CFAP97: variants seen among roughly 807,000 people sequenced by gnomAD.
CFAP97 encodes the protein cilia- and flagella-associated protein 97.
A neutral mutation model predicts 43.1 loss-of-function variants in CFAP97; 36 were observed. The ratio of observed to expected loss-of-function variants is 0.84; its 90% CI spans 0.64 to 1.10. The LOEUF is 1.10. CFAP97 is among the 50% of genes least tolerant of loss of function. The pLI is 0.00. For missense variants in CFAP97, 657 were observed against 620.3 expected (o/e 1.06, Z -0.63); for synonymous variants, 228 against 225.7 (o/e 1.01, Z -0.09).
upstream of CFAP97, among the ~76,000 whole-genome samples, chr4:185,207,265 G>A (rs1737230181): frequency 7.7e-6 from 1 of 130,536 alleles, no homozygotes. Flanking sequence ...CGCCCAGGCT[G>A]GAGTGCAGTG....
In CFAP97 at chr4:185,195,042, G is replaced by A. The variant is rs115645636; in HGVS notation, c.-16-3830C>T. Reference sequence around the variant, plus strand: ...TACACAGGATGTTCACGACAGCACAGCATCTACTACTGTTTGCAGTAGCAA... The same window carrying A: ...TACACAGGATGTTCACGACAGCACAACATCTACTACTGTTTGCAGTAGCAA... On this transcript the variant is annotated intron_variant, in intron 1 of 4. Transcript: ENST00000458385. Among the ~76,000 whole-genome samples the A allele has an allele frequency of 2.1e-3, 323 of 152,274 alleles. 1 individual carries two copies. The highest frequency in any genetic ancestry group is 7.2e-3 in the African/African-American group (301 of 41,546).
At position 185,186,289 on chromosome 4, in the gene CFAP97, C is replaced by T. The variant is rs1272596775; in HGVS notation, c.1054+3854G>A. Among the ~76,000 whole-genome samples the T allele has an allele frequency of 5.3e-5, 8 of 152,104 alleles. No individual in the cohort carries two copies. The East Asian group carries it at 1.5e-3, about 29-fold the overall frequency. ...CTCTACTAAAAATACAAAAATTAGC[C>T]AGGCGTGGTGGAGGGCGCCTGTAAT... is the stretch of plus-strand genomic sequence containing the variant. On this transcript the variant is annotated intron_variant, in intron 2 of 4. Transcript: ENST00000458385.
chr4:185,162,822 A>G lies in CFAP97; in HGVS notation c.1575T>C (p.Pro525=). 1.2e-6 allele frequency: 2 copies of G among 1,613,026 alleles called. No individual in the cohort carries two copies. The highest frequency in any genetic ancestry group is 1.7e-6 in the Non-Finnish European group (2 of 1,179,574). The change falls in exon 5 of 5, where the codon CCT becomes CCC. Residue 525 remains proline (P), a synonymous_variant. Transcript: ENST00000458385. The part of the protein sequence containing the change: ...SGHPRRRPKP[P]NVRTAWL Reference sequence around the variant, plus strand: ...TTTATAACCAAGCTGTACGGACATTAGGGGGTTTAGGTCTTCTTCGAGGGT... The same window carrying G: ...TTTATAACCAAGCTGTACGGACATTGGGGGGTTTAGGTCTTCTTCGAGGGT...
intron 1 of CFAP97, among the ~76,000 whole-genome samples, chr4:185,200,956 G>C (rs1736792575): frequency 6.6e-6 from 1 of 152,188 alleles, no homozygotes; most frequent in Non-Finnish European, 1.5e-5. Context: ...GACAACAAAT[G>C]ATTTAGAATA....
chr4:185,191,542 A>G (rs1007934774), intron 1 of CFAP97, among the ~76,000 whole-genome samples: 31 of 152,280 alleles, frequency 2.0e-4, no homozygotes, highest in African/African-American at 7.5e-4. Context: ...CAACAAAACA[A>G]AGAAAAAGGC....
intron 2 of CFAP97, among the ~76,000 whole-genome samples, chr4:185,189,616 C>T (rs151258264): frequency 2.1e-3 from 327 of 152,240 alleles, no homozygotes; most frequent in African/African-American, 7.6e-3. Context: ...TATCTTAAAG[C>T]AACTTAATGT....
At chr4:185,201,658 C>T (rs72704041) in intron 1 of CFAP97, among the ~76,000 whole-genome samples, 19,308 of 152,202 alleles carry the variant, frequency 0.13, 1,295 homozygotes, top group African/African-American at 0.15. Flanking sequence ...TAACAGACCA[C>T]GGTATAGTGT....
intron 2 of CFAP97, among the ~76,000 whole-genome samples, chr4:185,176,462 A>T (rs989685075): frequency 3.9e-5 from 6 of 152,152 alleles, no homozygotes; most frequent in African/African-American, 1.4e-4. Context: ...TTCAAGAAAA[A>T]GTATGTATGA....
At chr4:185,191,580 C>T (rs968359271) in intron 1 of CFAP97, among the ~76,000 whole-genome samples, 51 of 152,224 alleles carry the variant, frequency 3.4e-4, no homozygotes, top group African/African-American at 1.1e-3. Context: ...GCCTGTAATC[C>T]CAGCACTTTG....
intron 3 of CFAP97, among the ~76,000 whole-genome samples, chr4:185,167,529 T>C (rs1053217809): frequency 1.3e-5 from 2 of 152,162 alleles, no homozygotes; most frequent in African/African-American, 2.4e-5. Context: ...ATAATAAATA[T>C]AAGCTATATG....
chr4:185,187,103 A>G (rs140816950), intron 2 of CFAP97, among the ~76,000 whole-genome samples: 4 of 152,334 alleles, frequency 2.6e-5, no homozygotes, highest in African/African-American at 9.6e-5. Context: ...GCTTGATTAA[A>G]AATTGGAGAT....
At position 185,191,047 on chromosome 4, in the gene CFAP97, A is replaced by AT. The variant is rs1407093646; in HGVS notation, c.149dup (p.Asn50LysfsTer17). 4 of 1,613,366 alleles carry AT rather than the reference A, an allele frequency of 2.5e-6. No individual in the cohort carries two copies. The highest frequency in any genetic ancestry group is 4.5e-5 in the East Asian group (2 of 44,854). ...TTTGCATTCCAGTGTTCGAATTTACATTTTTTGTATCTTTATCTATTCTTT... is the reference window on the plus strand; with the variant it reads ...TTTGCATTCCAGTGTTCGAATTTACATTTTTTTGTATCTTTATCTATTCTTT... On this transcript the variant is annotated frameshift_variant, in exon 2 of 5. Coordinates refer to ENST00000458385, the MANE Select transcript of CFAP97 (RefSeq NM_020827.3). LOFTEE classifies it high-confidence loss of function.
chr4:185,174,253 T>C (rs962165307), intron 3 of CFAP97, among the ~76,000 whole-genome samples: 3 of 152,238 alleles, frequency 2.0e-5, no homozygotes, highest in Admixed American at 2.0e-4. Flanking sequence ...CCCATATGTT[T>C]TTGACATACG....
At chr4:185,201,792 C>T (rs760872395) in intron 1 of CFAP97, among the ~76,000 whole-genome samples, 4 of 152,040 alleles carry the variant, frequency 2.6e-5, no homozygotes, top group African/African-American at 4.8e-5. Context: ...CTGTATTTAC[C>T]GTCCCATAGT....
intron 2 of CFAP97, among the ~76,000 whole-genome samples, chr4:185,185,444 C>T (rs1433648495): frequency 3.3e-5 from 5 of 152,238 alleles, no homozygotes; most frequent in Admixed American, 2.0e-4. Context: ...AATTCTGTCA[C>T]TTCAAGGAAA....
intron 1 of CFAP97, among the ~76,000 whole-genome samples, chr4:185,202,267 T>C (rs1431514287): frequency 2.0e-5 from 3 of 152,162 alleles, no homozygotes; most frequent in Admixed American, 1.3e-4. Flanking sequence ...TGGAGGCTCA[T>C]GTGCGGTGGC....
At position 185,162,705 on chromosome 4, in the gene CFAP97, C is replaced by T. The variant is rs994377526; in HGVS notation, c.*93G>A. ...TGTTGTACACCTTCAATTGCTAAAA[C>T]GGTATTCTAGATGTTTACACAGAGA... On this transcript the variant is annotated 3_prime_UTR_variant, in exon 5 of 5. Transcript: ENST00000458385. 2.6e-5 allele frequency: 35 copies of T among 1,340,748 alleles called. No homozygotes were observed. The highest frequency in any genetic ancestry group is 2.5e-4 in the Middle Eastern group (1 of 3,982). The allele number at this position is 1,340,748 out of a possible 1,614,324, so 83.1% of individuals were successfully genotyped here. A position where few individuals can be genotyped will look rare whatever the true frequency, so the allele number is the denominator to read the frequency against.
rs778362979 is a variant in CFAP97 at position 185,181,320 on chromosome 4, C to CTTT, written c.1055-5272_1055-5270dup. 4.3e-3 allele frequency among the ~76,000 whole-genome samples: 423 copies of CTTT among 99,184 alleles called. 7 individuals carry two copies. Among genetic ancestry groups the CTTT allele is most frequent in the African/African-American group, 0.011 (303 of 26,754 alleles). 65.1% of individuals were successfully genotyped at this position (99,184 alleles called of 152,430 possible). The stretch of plus-strand genomic sequence containing the variant: ...AAAAGCAAATCAAGGCATAATCATA[C>CTTT]TTTTTTTTTTTTTTTTTTTTTTGAG... On this transcript the variant is annotated intron_variant, in intron 2 of 4. Coordinates refer to ENST00000458385, the MANE Select transcript of CFAP97 (RefSeq NM_020827.3).
At chr4:185,194,345 C>T (rs145346190) in intron 1 of CFAP97, among the ~76,000 whole-genome samples, 5,365 of 152,176 alleles carry the variant, frequency 0.035, 316 homozygotes, top group African/African-American at 0.12. Context: ...AAAAATTAGC[C>T]GGGTGTGGCA....
Sources: gnomAD v4.1 joint callset for allele counts (sites outside exome capture counted in the v4.1 genomes callset) on GRCh38, gnomAD v4.1.1 for gene constraint, MANE v1.5 for transcripts, NCBI Gene and HGNC (gene_info 2026-07-23, HGNC 2026-07-21) for gene names.